HAUS6: variants seen among roughly 807,000 people sequenced by gnomAD.
HAUS6 encodes the protein HAUS augmin-like complex subunit 6.
Under a neutral mutation model 106.8 loss-of-function variants are expected in HAUS6, and 80 were observed. The ratio of observed to expected loss-of-function variants is 0.75; its 90% CI spans 0.63 to 0.90. The LOEUF (loss-of-function observed/expected upper bound fraction) is 0.90, where lower values mean the gene tolerates loss of function less well. Among genes scored for constraint, HAUS6 ranks in the 40% least tolerant of loss-of-function variants. HAUS6 has a pLI of 0.00. For missense variants in HAUS6, 1,155 were observed against 1,118.1 expected (o/e 1.03, Z -0.47); for synonymous variants, 356 against 379.1 (o/e 0.94, Z 0.71).
intron 1 of HAUS6, among the ~76,000 whole-genome samples, chr9:19,099,388 A>G (rs1817939786): frequency 6.6e-6 from 1 of 152,018 alleles, no homozygotes; most frequent in Admixed American, 6.6e-5. Context: ...GGATGGTCTC[A>G]ATTTCCTGAC....
intron 10 of HAUS6, 39 bp downstream of exon 10, chr9:19,078,137 G>A (rs762453612): frequency 3.3e-6 from 5 of 1,530,022 alleles, no homozygotes; most frequent in Non-Finnish European, 4.4e-6. Flanking sequence ...AAAAAAAGGT[G>A]GGTGGCGGGG....
In HAUS6 at chr9:19,078,337, G is replaced by T. The variant is rs767777296; in HGVS notation, c.1065-35C>A. On this transcript the variant is annotated intron_variant, in intron 9 of 16. Coordinates refer to ENST00000380502, the MANE Select transcript of HAUS6 (RefSeq NM_017645.5). Reference sequence around the variant, plus strand: ...CATAAAAAAACTTTATTCAAAAGATGATACAAAAAAAGCACTGAGTAAAAT... The same window carrying T: ...CATAAAAAAACTTTATTCAAAAGATTATACAAAAAAAGCACTGAGTAAAAT... The T allele has an allele frequency of 3.3e-6, 4 of 1,230,246 alleles. No individual in the cohort carries two copies. In the East Asian group the frequency reaches 7.1e-5, roughly 22 times the overall value. The allele number at this position is 1,230,246 out of a possible 1,614,324, so 76.2% of individuals were successfully genotyped here.
intron 1 of HAUS6, among the ~76,000 whole-genome samples, chr9:19,098,141 G>A (rs914166752): frequency 1.3e-5 from 2 of 152,126 alleles, no homozygotes; most frequent in East Asian, 3.8e-4. Flanking sequence ...TCCATCGCTA[G>A]ACTAAAATTC....
intron 11 of HAUS6, among the ~76,000 whole-genome samples, chr9:19,070,866 C>T (rs1339645190): frequency 6.6e-6 from 1 of 152,122 alleles, no homozygotes; most frequent in Non-Finnish European, 1.5e-5. Flanking sequence ...TTTAAGGAGG[C>T]AGAGGACAGA....
chr9:19,070,670 C>A (rs1241037341), intron 11 of HAUS6, among the ~76,000 whole-genome samples: 1 of 152,170 alleles, frequency 6.6e-6, no homozygotes, highest in Non-Finnish European at 1.5e-5. Context: ...TTTATGGTAT[C>A]AGTCAACCTA....
intron 1 of HAUS6, among the ~76,000 whole-genome samples, chr9:19,098,587 C>G (rs917236599): frequency 9.5e-4 from 144 of 152,198 alleles, no homozygotes; most frequent in African/African-American, 3.3e-3. Context: ...CACTTTAGTT[C>G]AGGCCTAAAT....
Position 19,058,858 on chromosome 9 carries a change from C to T in HAUS6, c.1909G>A (p.Ala637Thr). The T allele has an allele frequency of 6.2e-7, 1 of 1,613,824 alleles. No individual in the cohort carries two copies. The highest frequency in any genetic ancestry group is 8.5e-7 in the Non-Finnish European group (1 of 1,179,738). Residue 637 changes from alanine (A) to threonine (T), a missense_variant, in exon 16 of 17, where the codon GCT becomes ACT. Transcript: ENST00000380502. ...ACAGTGGTTTCTAAGAGAAAATCAGCCATGCTAAATTCTCTTTGATTGTGC... is the reference window on the plus strand; with the variant it reads ...ACAGTGGTTTCTAAGAGAAAATCAGTCATGCTAAATTCTCTTTGATTGTGC... ...VLHNQREFSM[A>T]DFLLETTVSD...
Position 19,074,255 on chromosome 9 carries a change from C to A in HAUS6, c.1294+2347G>T, listed in dbSNP as rs1234836550. Among the ~76,000 whole-genome samples the A allele has an allele frequency of 2.6e-5, 4 of 151,088 alleles. No individual in the cohort carries two copies. In the South Asian group the frequency reaches 8.5e-4, roughly 32 times the overall value. ...GTGAGATTCTGTCTCAAAAAAAAAT[C>A]AAAAAAATTTAAGAAAAAGAGAAAG... On this transcript the variant is annotated intron_variant, in intron 11 of 16. Transcript: ENST00000380502.
rs1837309601 is a variant in HAUS6, at chr9:19,086,917, T to C, written c.651-135A>G. On this transcript the variant is annotated intron_variant, in intron 6 of 16. Coordinates refer to ENST00000380502, the MANE Select transcript of HAUS6 (RefSeq NM_017645.5). ...AAAATAAAATTTAATCTGAAAGCGA[T>C]AATAATTTATTAGGAAAACTGGATT... 4.8e-6 allele frequency: 3 copies of C among 620,342 alleles called. No individual in the cohort carries two copies. In the South Asian group the frequency reaches 6.2e-5, roughly 13 times the overall value. 38.4% of individuals were successfully genotyped at this position (620,342 alleles called of 1,614,324 possible).
chr9:19,095,265 C>T (rs1001617385), intron 2 of HAUS6, among the ~76,000 whole-genome samples: 10 of 152,046 alleles, frequency 6.6e-5, no homozygotes, highest in Non-Finnish European at 1.3e-4. Flanking sequence ...CTACTGCTTT[C>T]CTTTCACAGT....
At chr9:19,086,338 AG>A (rs1837295340) in intron 7 of HAUS6, among the ~76,000 whole-genome samples, 1 of 102,166 alleles carries the variant, frequency 9.8e-6, no homozygotes. Context: ...AGGGGAAGGG[AG>A]GCTGGGCGCG....
intron 14 of HAUS6, 119 bp downstream of exon 14, chr9:19,062,889 C>T: frequency 1.3e-6 from 1 of 771,354 alleles, no homozygotes; most frequent in South Asian, 1.6e-5. Flanking sequence ...TGGTCTCGAA[C>T]TTCTGGGCTC....
At chr9:19,100,682 T>C (rs1350111988) in intron 1 of HAUS6, among the ~76,000 whole-genome samples, 2 of 152,152 alleles carry the variant, frequency 1.3e-5, no homozygotes, top group East Asian at 1.9e-4. Context: ...TCAACCTAAG[T>C]TGAATGGATA....
chr9:19,060,339 C>A, intron 14 of HAUS6, 116 bp from the exon 15 acceptor site: 3 of 736,384 alleles, frequency 4.1e-6, no homozygotes, highest in Non-Finnish European at 6.4e-6. Flanking sequence ...CCATTGCAGA[C>A]AACACAAAAA....
At chr9:19,094,717 G>A (rs571636469) in intron 2 of HAUS6, among the ~76,000 whole-genome samples, 25 of 152,216 alleles carry the variant, frequency 1.6e-4, no homozygotes, top group South Asian at 8.3e-4. Flanking sequence ...CTTGAACCCA[G>A]GAGATGGAGT....
chr9:19,054,685 C>T lies in HAUS6; in HGVS notation c.*1658G>A, dbSNP rs1206082826. 2.0e-5 allele frequency: 3 copies of T among 152,218 alleles called. No individual in the cohort carries two copies. The highest frequency in any genetic ancestry group is 7.2e-5 in the African/African-American group (3 of 41,458). 9.4% of individuals were successfully genotyped at this position (152,218 alleles called of 1,614,324 possible). A position where few individuals can be genotyped will look rare whatever the true frequency, so the allele number is the denominator to read the frequency against. On this transcript the variant is annotated 3_prime_UTR_variant, in exon 17 of 17. Transcript: ENST00000380502. ...AATCTCTACCCAAGTATATATGCAA[C>T]AACGTACCTGCTTCTTAAAAGTACC...
chr9:19,089,576 T>C lies in HAUS6; in HGVS notation c.437-17A>G. 1.3e-6 allele frequency: 2 copies of C among 1,594,902 alleles called. No homozygotes were observed. The highest frequency in any genetic ancestry group is 1.7e-6 in the Non-Finnish European group (2 of 1,167,084). ...GAGAAGAATCTACACAGAACACAAA[T>C]AAGATTATAGAAAACAGGCTGGTCT... On this transcript the variant is annotated splice_polypyrimidine_tract_variant and intron_variant, in intron 4 of 16. Coordinates refer to ENST00000380502, the MANE Select transcript of HAUS6 (RefSeq NM_017645.5).
chr9:19,056,244 T>C lies in HAUS6; in HGVS notation c.*99A>G, dbSNP rs1836465705. On this transcript the variant is annotated 3_prime_UTR_variant, in exon 17 of 17. Transcript: ENST00000380502. ...AATTTTTTTAAACCTTGAAAAACAG[T>C]GTTACACTTCCAACATGTATTTAAG... The C allele has an allele frequency of 1.4e-6, 1 of 692,286 alleles. No homozygotes were observed. The highest frequency in any genetic ancestry group is 1.8e-5 in the African/African-American group (1 of 56,024). The allele number at this position is 692,286 out of a possible 1,614,324, so 42.9% of individuals were successfully genotyped here. A position where few individuals can be genotyped will look rare whatever the true frequency, so the allele number is the denominator to read the frequency against.
rs1034901782 is a variant in HAUS6, at chr9:19,075,119, G to A, written c.1294+1483C>T. Among the ~76,000 whole-genome samples, 6 of 152,172 alleles carry A rather than the reference G, an allele frequency of 3.9e-5. No individual in the cohort carries two copies. In the East Asian group the frequency reaches 1.2e-3, roughly 29 times the overall value. On this transcript the variant is annotated intron_variant, in intron 11 of 16. Transcript: ENST00000380502. ...ATGAACTTTGAAAACGCTATGCTAA[G>A]TGAAAGAAGCCAGTCACAAAAGTCT...
Sources: allele counts gnomAD v4.1 joint callset (sites outside exome capture counted in the v4.1 genomes callset), GRCh38; gene constraint gnomAD v4.1.1; transcripts MANE v1.5; gene names NCBI Gene and HGNC (gene_info 2026-07-23, HGNC 2026-07-21).